Variants in EIF4E1B observed in about 807,000 individuals in gnomAD.
EIF4E1B encodes the protein eukaryotic translation initiation factor 4E type 1B.
Under a neutral mutation model 31.3 loss-of-function variants are expected in EIF4E1B, and 22 were observed. The ratio of observed to expected loss-of-function variants is 0.70; its 90% CI spans 0.50 to 1.00. EIF4E1B has a LOEUF of 1.00. Ranked by LOEUF, EIF4E1B falls within the 50% of genes least tolerant of loss-of-function variation. The pLI is 0.00. For missense variants in EIF4E1B, 290 were observed against 311.6 expected (o/e 0.93, Z 0.52); for synonymous variants, 126 against 120.2 (o/e 1.05, Z -0.31).
chr5:176,642,313 T>G (rs1287961231), intron 2 of EIF4E1B, 148 bp downstream of exon 2: 1 of 154,454 alleles, frequency 6.5e-6, no homozygotes, highest in Non-Finnish European at 1.4e-5. Flanking sequence ...CCCCCCTATG[T>G]CTAAATGTTG....
intron 6 of EIF4E1B, among the ~76,000 whole-genome samples, chr5:176,644,875 C>T (rs73806059): frequency 0.04 from 6,075 of 152,250 alleles, 419 homozygotes; most frequent in African/African-American, 0.14. Context: ...TAATCCACCC[C>T]GATTTGAATG....
Position 176,645,091 on chromosome 5 carries a change from G to T in EIF4E1B, c.361-39G>T. ...GGTGGGTGGGTCCCCATTTCCCTTT[G>T]AACACAGGGAGGCAGTTGACTTGCC... On this transcript the variant is annotated intron_variant, in intron 6 of 8. Coordinates refer to ENST00000318682, the MANE Select transcript of EIF4E1B (RefSeq NM_001099408.2). This position sits in a 1 kb window ranked among gnomAD's most constrained non-coding sequence, Gnocchi z 5.4. The T allele has an allele frequency of 2.0e-6, 3 of 1,531,366 alleles. No individual in the cohort carries two copies. The South Asian group carries it at 3.6e-5, about 19-fold the overall frequency. 94.9% of individuals were successfully genotyped at this position (1,531,366 alleles called of 1,614,324 possible).
At chr5:176,644,113 G>T (rs1760647724) in intron 5 of EIF4E1B, 3 of 573,970 alleles carry the variant, frequency 5.2e-6, no homozygotes, top group East Asian at 2.9e-5. Flanking sequence ...GGGTGAGAAG[G>T]CCTCGGCTGT....
chr5:176,642,821 C>T lies in EIF4E1B; in HGVS notation c.15+19C>T. ...TGTTGAGGTAATCAGCCTGGCCTCT[C>T]TACCCCCAGTGCACCATGGCCCCGC... is the stretch of plus-strand genomic sequence containing the variant. On this transcript the variant is annotated intron_variant, in intron 3 of 8. Coordinates refer to ENST00000318682, the MANE Select transcript of EIF4E1B (RefSeq NM_001099408.2). The T allele has an allele frequency of 6.4e-7, 1 of 1,554,330 alleles. No homozygotes were observed. The highest frequency in any genetic ancestry group is 2.4e-5 in the East Asian group (1 of 41,138).
At chr5:176,644,110 A>G (rs1760647540) in intron 5 of EIF4E1B, 1 of 570,922 alleles carries the variant, frequency 1.8e-6, no homozygotes, top group African/African-American at 1.9e-5. Context: ...GGAGGGTGAG[A>G]AGGCCTCGGC....
intron 1 of EIF4E1B, among the ~76,000 whole-genome samples, chr5:176,635,289 G>T (rs1760475378): frequency 2.0e-5 from 3 of 152,148 alleles, no homozygotes; most frequent in African/African-American, 7.2e-5. Flanking sequence ...GGCCGAAGGA[G>T]ACCAGCAGTG....
intron 1 of EIF4E1B, among the ~76,000 whole-genome samples, chr5:176,635,310 G>A (rs921287049): frequency 6.6e-6 from 1 of 152,090 alleles, no homozygotes; most frequent in Non-Finnish European, 1.5e-5. Context: ...GAGAGTCTGC[G>A]ATGGATGGGC....
intron 4 of EIF4E1B, 65 bp downstream of exon 4, chr5:176,643,331 G>T: frequency 6.6e-7 from 1 of 1,512,256 alleles, no homozygotes; most frequent in Non-Finnish European, 8.9e-7. Flanking sequence ...TGCTGGCAGC[G>T]TGGCCTTGGG....
Position 176,638,294 on chromosome 5 carries a change from C to T in EIF4E1B, c.-201-3749C>T, listed in dbSNP as rs760757543. Among the ~76,000 whole-genome samples the T allele has an allele frequency of 3.2e-4, 49 of 152,272 alleles. No individual in the cohort carries two copies. The highest frequency in any genetic ancestry group is 6.3e-4 in the Non-Finnish European group (43 of 68,030). On this transcript the variant is annotated intron_variant, in intron 1 of 8. Transcript: ENST00000318682. This position sits in a 1 kb window ranked among gnomAD's most constrained non-coding sequence, Gnocchi z 4.3. ...AAGGGCATGAAACAGCAAGTACTGA[C>T]AGAACAGACAAGAGGTCCCAGGGCT...
rs762312231 is a variant in EIF4E1B at position 176,646,254 on chromosome 5, A to AGG, written c.*275_*276dup. On this transcript the variant is annotated 3_prime_UTR_variant, in exon 9 of 9. Transcript: ENST00000318682. ...AGGGTGGGGTGAGTCATGGCGGGGAAGGAGGGCTCTATGGTAGGCGGAGAA... is the reference window on the plus strand; with the variant it reads ...AGGGTGGGGTGAGTCATGGCGGGGAAGGGGAGGGCTCTATGGTAGGCGGAGAA... 1.0e-5 allele frequency: 4 copies of AGG among 397,820 alleles called. No homozygotes were observed. Among genetic ancestry groups the AGG allele is most frequent in the Non-Finnish European group, 1.9e-5 (4 of 215,314 alleles). 24.6% of individuals were successfully genotyped at this position (397,820 alleles called of 1,614,324 possible). A position where few individuals can be genotyped will look rare whatever the true frequency, so the allele number is the denominator to read the frequency against.
intron 1 of EIF4E1B, among the ~76,000 whole-genome samples, chr5:176,634,005 G>A (rs555245758): frequency 6.6e-6 from 1 of 152,302 alleles, no homozygotes; most frequent in East Asian, 1.9e-4. Context: ...AAGGAGAGAC[G>A]TGAACATCAC....
intron 1 of EIF4E1B, among the ~76,000 whole-genome samples, chr5:176,640,281 C>T (rs1211680818): frequency 4.6e-5 from 7 of 152,246 alleles, no homozygotes; most frequent in Admixed American, 2.6e-4. Flanking sequence ...AGCTGCCCCA[C>T]GTGTGAGTGA....
At chr5:176,639,712 G>A (rs1273464846) in intron 1 of EIF4E1B, among the ~76,000 whole-genome samples, 2 of 152,068 alleles carry the variant, frequency 1.3e-5, no homozygotes, top group Non-Finnish European at 2.9e-5. Flanking sequence ...AACCCTCCCA[G>A]GCTGATTTGA....
intron 5 of EIF4E1B, chr5:176,644,086 T>TAC: frequency 1.8e-6 from 1 of 565,562 alleles, no homozygotes; most frequent in East Asian, 2.9e-5. Flanking sequence ...TGAAAAGGGC[T>TAC]ACACAAGCCC....
chr5:176,631,977 A>G (rs1025167599), intron 1 of EIF4E1B, among the ~76,000 whole-genome samples: 1 of 152,170 alleles, frequency 6.6e-6, no homozygotes, highest in Non-Finnish European at 1.5e-5. Context: ...ATGCCACACT[A>G]TGGTTGGCAA....
intron 1 of EIF4E1B, among the ~76,000 whole-genome samples, chr5:176,635,177 G>C (rs1407263604): frequency 6.6e-6 from 1 of 152,038 alleles, no homozygotes; most frequent in Admixed American, 6.6e-5. Context: ...GAGGAACCTG[G>C]AGAAAGACTG....
chr5:176,642,565 G>A (rs1015529013), intron 2 of EIF4E1B, 145 bp from the exon 3 acceptor site: 15 of 609,828 alleles, frequency 2.5e-5, no homozygotes, highest in Non-Finnish European at 3.6e-5. Context: ...GTTGGGGATG[G>A]TGCCAGAAGG....
rs747289836 is a variant in EIF4E1B at position 176,643,223 on chromosome 5, G to A, written c.157G>A (p.Gly53Ser). The A allele has an allele frequency of 5.0e-6, 8 of 1,612,866 alleles. No individual in the cohort carries two copies. The Admixed American group carries it at 1.0e-4, about 20-fold the overall frequency. Residue 53 changes from glycine (G) to serine (S), a missense_variant, in exon 4 of 9, where the codon GGC (glycine) becomes AGC (serine). Physicochemically the swap from Gly to Ser is moderately conservative, Grantham distance 56. Transcript: ENST00000318682. ...TCTGAGAGGGAAGGCCCGGACGGGG[G>A]GCCCCATGGAAGTCAAGCTGGAGCT... ...LSLRGKARTGGPMEVKLELHP... is the reference protein window; with the variant it reads ...LSLRGKARTGSPMEVKLELHP...
chr5:176,643,435 G>A (rs79427245), intron 4 of EIF4E1B, among the ~76,000 whole-genome samples, 169 bp downstream of exon 4: 23 of 152,296 alleles, frequency 1.5e-4, no homozygotes, highest in Admixed American at 3.3e-4. Flanking sequence ...CCCTAACCCC[G>A]CAGAGACTGT....
Sources: allele counts gnomAD v4.1 joint callset (sites outside exome capture counted in the v4.1 genomes callset), GRCh38; gene constraint gnomAD v4.1.1; non-coding constraint Gnocchi (gnomAD v3.1); transcripts MANE v1.5; gene names NCBI Gene and HGNC (gene_info 2026-07-23, HGNC 2026-07-21).